Variants in PSMF1 observed in about 807,000 individuals in gnomAD.
PSMF1 encodes the protein proteasome inhibitor PI31 subunit.
Under a neutral mutation model 29.3 loss-of-function variants are expected in PSMF1, and 30 were observed. The observed-to-expected ratio is 1.02, with a 90% CI of 0.77 to 1.39. PSMF1 has a LOEUF of 1.39. Ranked by LOEUF, PSMF1 falls within the 40% of genes most tolerant of loss-of-function variation. The pLI is 0.00. For synonymous variants in PSMF1, 134 were observed against 139.7 expected (o/e 0.96, Z 0.29); for missense variants, 344 against 357.5 (o/e 0.96, Z 0.31).
intron 2 of PSMF1, among the ~76,000 whole-genome samples, chr20:1,126,967 C>T (rs1355163463): frequency 2.0e-5 from 3 of 152,168 alleles, no homozygotes; most frequent in East Asian, 1.9e-4. Flanking sequence ...AATCATGCCC[C>T]GGAAACCACT....
intron 1 of PSMF1, among the ~76,000 whole-genome samples, chr20:1,120,027 A>G (rs865858536): frequency 6.6e-6 from 1 of 152,054 alleles, no homozygotes; most frequent in Middle Eastern, 3.4e-3. Flanking sequence ...CCTCTCTTCA[A>G]ACTTGCTTTG....
rs1395430498 is a variant in PSMF1 at position 1,169,690 on chromosome 20, C to T, written c.*4610C>T. Among the ~76,000 whole-genome samples, 1 of 152,170 alleles carries T rather than the reference C, an allele frequency of 6.6e-6. No individual in the cohort carries two copies. Among genetic ancestry groups the T allele is most frequent in the East Asian group, 1.9e-4 (1 of 5,190 alleles). ...GCCACACAGCAGCTGCCTATATCTG[C>T]ACCAAAAAGTAGATGTCCTTCACAC... On this transcript the variant is annotated 3_prime_UTR_variant, in exon 7 of 7. Transcript: ENST00000335877.
Position 1,163,116 on chromosome 20 carries a change from CTT to C in PSMF1, c.552-13_552-12del, listed in dbSNP as rs113588631. 5.0e-6 allele frequency: 8 copies of C among 1,614,010 alleles called. No individual in the cohort carries two copies. The highest frequency in any genetic ancestry group is 4.5e-5 in the East Asian group (2 of 44,874). On this transcript the variant is annotated splice_polypyrimidine_tract_variant and intron_variant, in intron 4 of 6. Coordinates refer to ENST00000335877, the MANE Select transcript of PSMF1 (RefSeq NM_006814.5). This position sits in a 1 kb window ranked among gnomAD's most constrained non-coding sequence, Gnocchi z 6.1. ...GCTCTGGGACTTGCAGTAATTGTCT[CTT>C]GTTTGTTTCAGGTGTGATCCCCTGG... is the stretch of plus-strand genomic sequence containing the variant.
chr20:1,122,556 T>C (rs2086103227), intron 1 of PSMF1, among the ~76,000 whole-genome samples: 1 of 152,164 alleles, frequency 6.6e-6, no homozygotes, highest in Non-Finnish European at 1.5e-5. Context: ...TGCCTCTGCC[T>C]CCCAAAGGGC....
chr20:1,132,484 C>A (rs1221626028), intron 3 of PSMF1, among the ~76,000 whole-genome samples: 2 of 151,966 alleles, frequency 1.3e-5, no homozygotes, highest in African/African-American at 4.8e-5. Flanking sequence ...ACCATGTTAG[C>A]CAGGATGGTC....
At chr20:1,147,211 T>G (rs954899180) in intron 4 of PSMF1, among the ~76,000 whole-genome samples, 2 of 152,108 alleles carry the variant, frequency 1.3e-5, no homozygotes, top group Non-Finnish European at 2.9e-5. Flanking sequence ...GTAATTTCCC[T>G]TTCTTGGCTG....
upstream of PSMF1, chr20:1,118,588 T>C (rs1208921842): frequency 6.1e-6 from 4 of 651,390 alleles, no homozygotes; most frequent in Non-Finnish European, 7.2e-6. Flanking sequence ...GCGCCCGCTG[T>C]TGGGACTACT....
chr20:1,144,311 T>A (rs1360325816), intron 4 of PSMF1, among the ~76,000 whole-genome samples: 1 of 152,200 alleles, frequency 6.6e-6, no homozygotes, highest in Non-Finnish European at 1.5e-5. Flanking sequence ...AACTGGATCA[T>A]GTACACTGCT....
chr20:1,119,643 G>A lies in PSMF1; in HGVS notation c.129+741G>A, dbSNP rs572693355. Among the ~76,000 whole-genome samples the A allele has an allele frequency of 3.9e-5, 6 of 152,268 alleles. No individual in the cohort carries two copies. In the East Asian group the frequency reaches 7.7e-4, roughly 20 times the overall value. On this transcript the variant is annotated intron_variant, in intron 1 of 6. Coordinates refer to ENST00000335877, the MANE Select transcript of PSMF1 (RefSeq NM_006814.5). ...CCCCAGGCTCCACCTCTTACAGCTA[G>A]GGACGTCGTTGTCATCCCCACAGAG...
intron 4 of PSMF1, among the ~76,000 whole-genome samples, chr20:1,156,268 G>A (rs1473577414): frequency 6.6e-6 from 1 of 152,088 alleles, no homozygotes; most frequent in Non-Finnish European, 1.5e-5. Flanking sequence ...GGGACCTGTG[G>A]GGCAATTATA....
rs901199564 is a variant in PSMF1 at position 1,170,609 on chromosome 20, A to T, written c.*5529A>T. Among the ~76,000 whole-genome samples, 2 of 152,018 alleles carry T rather than the reference A, an allele frequency of 1.3e-5. No homozygotes were observed. Among genetic ancestry groups the T allele is most frequent in the African/African-American group, 2.4e-5 (1 of 41,278 alleles). ...AGGGTCAAGCAGGAGTCTCAGACTC[A>T]GTCAAGCGTGGTTACTCACAGCCCT... On this transcript the variant is annotated 3_prime_UTR_variant, in exon 7 of 7. Transcript: ENST00000335877.
rs2072963 is a variant in PSMF1, at chr20:1,118,651, T to C, written c.-123T>C. 211,749 of 1,250,586 alleles carry C rather than the reference T, an allele frequency of 0.17. 21,506 individuals carry two copies. Among genetic ancestry groups the C allele is most frequent in the East Asian group, 0.54 (21,163 of 38,832 alleles). The allele number at this position is 1,250,586 out of a possible 1,614,324, so 77.5% of individuals were successfully genotyped here. Reference sequence around the variant, plus strand: ...CGGGCGTCTCCATTTTGGTCTCAGGTGTGGACTCGGCAAGAACCAGCGCAA... The same window carrying C: ...CGGGCGTCTCCATTTTGGTCTCAGGCGTGGACTCGGCAAGAACCAGCGCAA... On this transcript the variant is annotated 5_prime_UTR_variant, in exon 1 of 7. Coordinates refer to ENST00000335877, the MANE Select transcript of PSMF1 (RefSeq NM_006814.5).
chr20:1,164,578 G>A lies in PSMF1; in HGVS notation c.764+102G>A. 6.8e-7 allele frequency: 1 copy of A among 1,464,596 alleles called. No homozygotes were observed. Among genetic ancestry groups the A allele is most frequent in the Non-Finnish European group, 9.3e-7 (1 of 1,071,122 alleles). 90.7% of individuals were successfully genotyped at this position (1,464,596 alleles called of 1,614,324 possible). ...TAGCCCCAGGCACAGAGCTGCCGCT[G>A]CCTTCACCTGTTGCTGCCAGGAGAG... On this transcript the variant is annotated intron_variant, in intron 6 of 6. Transcript: ENST00000335877. The surrounding 1 kb of genome is among the most constrained non-coding windows in gnomAD (Gnocchi z 4.1).
intron 4 of PSMF1, among the ~76,000 whole-genome samples, chr20:1,142,108 G>T (rs987176967): frequency 6.6e-6 from 1 of 152,146 alleles, no homozygotes; most frequent in African/African-American, 2.4e-5. Context: ...TGTAATCCCA[G>T]CTACTCGGGA....
At position 1,166,016 on chromosome 20, in the gene PSMF1, G is replaced by A; in HGVS notation, c.*936G>A. On this transcript the variant is annotated 3_prime_UTR_variant, in exon 7 of 7. Coordinates refer to ENST00000335877, the MANE Select transcript of PSMF1 (RefSeq NM_006814.5). ...TTGGTAACCCCTATAAACTGGGGCA[G>A]AGGAAAAGAATGATGGTTCAAGGCC... The A allele has an allele frequency of 7.0e-7, 1 of 1,432,700 alleles. No individual in the cohort carries two copies. The highest frequency in any genetic ancestry group is 1.5e-5 in the South Asian group (1 of 67,324). 88.7% of individuals were successfully genotyped at this position (1,432,700 alleles called of 1,614,324 possible).
At chr20:1,119,241 T>G (rs1384819122) in intron 1 of PSMF1, among the ~76,000 whole-genome samples, 2 of 152,132 alleles carry the variant, frequency 1.3e-5, no homozygotes, top group African/African-American at 4.8e-5. Context: ...CCCAGAGCAC[T>G]TCTCACCCAC....
chr20:1,122,344 G>A (rs1034182966), intron 1 of PSMF1, among the ~76,000 whole-genome samples: 1 of 146,060 alleles, frequency 6.8e-6, no homozygotes, highest in Non-Finnish European at 1.5e-5. Flanking sequence ...CTGTCACTCA[G>A]GCTAGAGTGC....
intron 3 of PSMF1, among the ~76,000 whole-genome samples, chr20:1,132,810 G>A (rs1381119371): frequency 6.6e-6 from 1 of 151,932 alleles, no homozygotes; most frequent in African/African-American, 2.4e-5. Context: ...CTTGTTATTT[G>A]TTTAAAGCAG....
chr20:1,121,775 T>G (rs958061087), intron 1 of PSMF1, among the ~76,000 whole-genome samples: 1 of 152,202 alleles, frequency 6.6e-6, no homozygotes, highest in African/African-American at 2.4e-5. Context: ...AAAACTTGAT[T>G]AGAAAACCAG....
Sources: allele counts gnomAD v4.1 joint callset (sites outside exome capture counted in the v4.1 genomes callset), GRCh38; gene constraint gnomAD v4.1.1; non-coding constraint Gnocchi (gnomAD v3.1); transcripts MANE v1.5; gene names NCBI Gene and HGNC (gene_info 2026-07-23, HGNC 2026-07-21).